FCHSD2: variants seen among roughly 807,000 people sequenced by gnomAD.
The protein encoded by FCHSD2 is FCH and double SH3 domains 2.
A neutral mutation model predicts 108.1 loss-of-function variants in FCHSD2; 38 were observed. The ratio of observed to expected loss-of-function variants is 0.35; its 90% CI spans 0.27 to 0.46. The LOEUF (loss-of-function observed/expected upper bound fraction) is 0.46, where lower values mean the gene tolerates loss of function less well. FCHSD2 is among the 20% of genes least tolerant of loss of function. The pLI is 1.00. For synonymous variants in FCHSD2, 279 were observed against 314.7 expected, an observed-to-expected ratio of 0.89 and a Z score of 1.20; for missense variants, 751 against 897.8, an observed-to-expected ratio of 0.84 and a Z score of 2.09.
intron 8 of FCHSD2, among the ~76,000 whole-genome samples, chr11:72,951,460 C>T (rs1476319223): frequency 1.3e-5 from 2 of 152,142 alleles, no homozygotes; most frequent in East Asian, 3.8e-4. Context: ...CTGACTTATA[C>T]GTAAAGCACT....
Position 72,836,810 on chromosome 11 carries a change from TAAAG to T in FCHSD2, c.*1977_*1980del, listed in dbSNP as rs1227566867. The T allele has an allele frequency of 6.6e-6, 1 of 152,620 alleles. No individual in the cohort carries two copies. The highest frequency in any genetic ancestry group is 1.5e-5 in the Non-Finnish European group (1 of 68,028). The allele number at this position is 152,620 out of a possible 1,614,324, so 9.5% of individuals were successfully genotyped here. A position where few individuals can be genotyped will look rare whatever the true frequency, so the allele number is the denominator to read the frequency against. On this transcript the variant is annotated 3_prime_UTR_variant, in exon 20 of 20. Coordinates refer to ENST00000409418, the MANE Select transcript of FCHSD2 (RefSeq NM_014824.3). ...AAATACAAACTTTTTACAGCCACTG[TAAAG>T]AAAGCACATCTGCACAGAGGCTCCC...
rs77424910 is a variant in FCHSD2, at chr11:73,048,183, G to T, written c.166-32298C>A. ...AAAAATCTGACCCAAAGCATTTGAG[G>T]CATAGCTAGAGCAGCAGGATATTTC... is the stretch of plus-strand genomic sequence containing the variant. On this transcript the variant is annotated intron_variant, in intron 3 of 19. Coordinates refer to ENST00000409418, the MANE Select transcript of FCHSD2 (RefSeq NM_014824.3). 6.6e-5 allele frequency among the ~76,000 whole-genome samples: 10 copies of T among 152,248 alleles called. No individual in the cohort carries two copies. The East Asian group carries it at 1.7e-3, about 26-fold the overall frequency.
intron 11 of FCHSD2, among the ~76,000 whole-genome samples, chr11:72,888,698 A>T (rs1459671078): frequency 6.6e-6 from 1 of 151,088 alleles, no homozygotes; most frequent in African/African-American, 2.4e-5. Context: ...ACCTCAATGT[A>T]ACCTCCACCT....
At chr11:72,986,448 A>T (rs1468869761) in intron 6 of FCHSD2, among the ~76,000 whole-genome samples, 1 of 152,068 alleles carries the variant, frequency 6.6e-6, no homozygotes, top group Admixed American at 6.5e-5. Flanking sequence ...TGACCTTGTA[A>T]TCCACCCGCC....
intron 12 of FCHSD2, among the ~76,000 whole-genome samples, chr11:72,876,410 T>C (rs934374431): frequency 1.3e-5 from 2 of 152,156 alleles, no homozygotes; most frequent in Non-Finnish European, 2.9e-5. Flanking sequence ...GCCATAAAGT[T>C]TGGGATGGTT....
intron 8 of FCHSD2, among the ~76,000 whole-genome samples, chr11:72,964,084 C>T (rs1591439932): frequency 6.6e-6 from 1 of 152,146 alleles, no homozygotes; most frequent in Non-Finnish European, 1.5e-5. Flanking sequence ...ATGGATGATA[C>T]AAACATGGAT....
chr11:73,106,654 C>T (rs1053205659), intron 2 of FCHSD2, among the ~76,000 whole-genome samples: 1 of 151,818 alleles, frequency 6.6e-6, no homozygotes, highest in African/African-American at 2.4e-5. Flanking sequence ...AAAAATGGAC[C>T]ACATATACAA....
chr11:73,039,290 G>C (rs1858573469), intron 3 of FCHSD2, among the ~76,000 whole-genome samples: 1 of 152,098 alleles, frequency 6.6e-6, no homozygotes, highest in Admixed American at 6.6e-5. Flanking sequence ...AGCAGAGGTG[G>C]GCGGATCACT....
At chr11:72,846,021 C>T (rs1861124551) in intron 14 of FCHSD2, among the ~76,000 whole-genome samples, 1 of 151,942 alleles carries the variant, frequency 6.6e-6, no homozygotes, top group Non-Finnish European at 1.5e-5. Context: ...TAATATCTTC[C>T]TCATAGGGTT....
intron 10 of FCHSD2, among the ~76,000 whole-genome samples, chr11:72,892,194 C>A (rs1167727699): frequency 1.3e-5 from 2 of 152,142 alleles, no homozygotes; most frequent in Non-Finnish European, 2.9e-5. Context: ...TGGGCCATAA[C>A]CCAATTTGCC....
intron 12 of FCHSD2, among the ~76,000 whole-genome samples, chr11:72,868,528 A>C (rs2135206023): frequency 6.6e-6 from 1 of 152,100 alleles, no homozygotes; most frequent in East Asian, 1.9e-4. Flanking sequence ...GGAACTTAAA[A>C]GTTGAAAAAA....
chr11:72,838,833 C>G lies in FCHSD2; in HGVS notation c.2181G>C (p.Arg727Ser). 1 of 1,608,398 alleles carries G rather than the reference C, an allele frequency of 6.2e-7. No individual in the cohort carries two copies. The change falls in exon 20 of 20, where the codon AGG becomes AGC. Residue 727 changes from arginine to serine, a missense_variant. Physicochemically the swap from Arg to Ser is moderately radical, Grantham distance 110. Transcript: ENST00000409418. ...CCACATCTTCAATCTTCTCTGCTGG[C>G]CTTCGGTGATTCTGTGTAGGTGGAG... ...APPPPTQNHR[R>S]PAEKIEDVEI...
intron 8 of FCHSD2, among the ~76,000 whole-genome samples, chr11:72,976,830 T>C (rs1452488277): frequency 2.0e-5 from 3 of 152,052 alleles, no homozygotes; most frequent in Non-Finnish European, 4.4e-5. Flanking sequence ...TGGACATCCA[T>C]ATGCAGAAGA....
At chr11:72,873,647 T>C (rs1854909322) in intron 12 of FCHSD2, among the ~76,000 whole-genome samples, 1 of 152,182 alleles carries the variant, frequency 6.6e-6, no homozygotes, top group Non-Finnish European at 1.5e-5. Flanking sequence ...TCTAAGAAAC[T>C]AATCCAAGGC....
chr11:72,893,928 T>C (rs1855369501), intron 10 of FCHSD2, among the ~76,000 whole-genome samples: 1 of 152,220 alleles, frequency 6.6e-6, no homozygotes, highest in Non-Finnish European at 1.5e-5. Flanking sequence ...TCTCTCAAGA[T>C]ATGATTTTGT....
intron 14 of FCHSD2, among the ~76,000 whole-genome samples, chr11:72,844,280 C>T (rs954779794): frequency 9.2e-5 from 14 of 152,154 alleles, no homozygotes; most frequent in East Asian, 3.9e-4. Flanking sequence ...GAACTATGTA[C>T]GTGAATTTGA....
chr11:73,118,825 G>T (rs1860665007), intron 2 of FCHSD2, among the ~76,000 whole-genome samples: 1 of 152,072 alleles, frequency 6.6e-6, no homozygotes, highest in African/African-American at 2.4e-5. Context: ...TTACAGATGA[G>T]AAAATTGAAG....
intron 4 of FCHSD2, among the ~76,000 whole-genome samples, chr11:73,008,895 G>A (rs943170374): frequency 7.9e-5 from 12 of 152,036 alleles, no homozygotes; most frequent in Admixed American, 7.9e-4. Context: ...AAGTTGAAAA[G>A]TTAATAAAAA....
At chr11:73,009,969 C>T (rs1041439762) in intron 4 of FCHSD2, among the ~76,000 whole-genome samples, 2 of 152,148 alleles carry the variant, frequency 1.3e-5, no homozygotes, top group African/African-American at 4.8e-5. Context: ...AAGTTTTTGT[C>T]TATTATTTCA....
Sources: allele counts gnomAD v4.1 joint callset (sites outside exome capture counted in the v4.1 genomes callset), GRCh38; gene constraint gnomAD v4.1.1; transcripts MANE v1.5; gene names NCBI Gene and HGNC (gene_info 2026-07-23, HGNC 2026-07-21).